The following TENM1 variants were observed in gnomAD, a reference collection of about 807,000 sequenced individuals.
TENM1 encodes teneurin-1.
In TENM1, 35 loss-of-function variants were observed where a neutral mutation model predicts 174.8. The ratio of observed to expected loss-of-function variants is 0.20; its 90% CI spans 0.15 to 0.27. The LOEUF (loss-of-function observed/expected upper bound fraction) is 0.27. Ranked by LOEUF, TENM1 falls within the 10% of genes least tolerant of loss-of-function variation. The probability of loss-of-function intolerance (pLI) is 1.00; values close to 1 mark genes in which losing one functional copy is unlikely to be tolerated. For missense variants in TENM1, 1,633 were observed against 2,130.1 expected, an observed-to-expected ratio of 0.77 and a Z score of 4.59; for synonymous variants, 781 against 798.7, an observed-to-expected ratio of 0.98 and a Z score of 0.37.
At chrX:124,902,554 A>G (rs1214531537) in intron 1 of TENM1, among the ~76,000 whole-genome samples, 4 of 112,708 alleles carry the variant, frequency 3.5e-5, no homozygotes, top group Non-Finnish European at 7.5e-5. Context: ...GCAATGGATT[A>G]TTACAATCTT....
At chrX:124,986,205 T>C in the TENM1 span, among the ~76,000 whole-genome samples, 2 of 111,828 alleles carry the variant, frequency 1.8e-5, no homozygotes, top group Non-Finnish European at 3.8e-5. Context: ...AAATATGTAA[T>C]GGCTTTGGGA....
the TENM1 span, among the ~76,000 whole-genome samples, chrX:124,993,388 A>G: frequency 9.0e-6 from 1 of 111,099 alleles, no homozygotes; most frequent in African/African-American, 3.3e-5. Context: ...CAGAAGCCTC[A>G]TTTTGCATAC....
At chrX:125,122,988 G>T in the TENM1 span, among the ~76,000 whole-genome samples, 2 of 111,376 alleles carry the variant, frequency 1.8e-5, no homozygotes, top group Non-Finnish European at 3.8e-5. Context: ...TATATCACAA[G>T]ATTTCTACAC....
chrX:124,887,072 T>C (rs1325169428), intron 3 of TENM1, among the ~76,000 whole-genome samples: 1 of 110,865 alleles, frequency 9.0e-6, no homozygotes, highest in Non-Finnish European at 1.9e-5. Context: ...TGGTAATATC[T>C]AAACAAACAT....
intron 22 of TENM1, among the ~76,000 whole-genome samples, chrX:124,468,756 A>G (rs180846299): frequency 8.4e-4 from 94 of 112,491 alleles, no homozygotes; most frequent in Non-Finnish European, 1.1e-4. Flanking sequence ...AACTGTATGT[A>G]TAATAAAATA....
intron 3 of TENM1, among the ~76,000 whole-genome samples, chrX:124,802,348 A>G (rs1453756336): frequency 1.8e-5 from 2 of 110,769 alleles, no homozygotes; most frequent in Admixed American, 9.5e-5. Flanking sequence ...TTTTCTTTCA[A>G]TGGTCAGGTC....
intron 3 of TENM1, among the ~76,000 whole-genome samples, chrX:124,847,661 C>G (rs113975776): frequency 0.028 from 3,079 of 111,437 alleles, 112 homozygotes; most frequent in African/African-American, 0.096. Flanking sequence ...AATGGGAGTA[C>G]TCAGAATATA....
At chrX:124,546,816 G>C in intron 15 of TENM1, 58 bp downstream of exon 18, 3 of 921,877 alleles carry the variant, frequency 3.3e-6, no homozygotes, top group Non-Finnish European at 4.7e-6. Context: ...TCTTCCTTTC[G>C]TAGTTCAGGA....
chrX:124,660,602 C>T (rs924448549), intron 6 of TENM1, among the ~76,000 whole-genome samples: 12 of 111,065 alleles, frequency 1.1e-4, no homozygotes, highest in African/African-American at 3.9e-4. Context: ...AGACTAATGA[C>T]CAATAAGAAC....
chrX:125,193,218 T>C, the TENM1 span, among the ~76,000 whole-genome samples: 2 of 112,152 alleles, frequency 1.8e-5, no homozygotes, highest in African/African-American at 6.5e-5. Context: ...TTTTACTCTA[T>C]ACAGTCAACT....
chrX:124,654,627 T>A, intron 6 of TENM1, among the ~76,000 whole-genome samples: 1 of 111,244 alleles, frequency 9.0e-6, no homozygotes, highest in East Asian at 2.8e-4. Flanking sequence ...AGGGTATGTG[T>A]CTATAGAGAG....
At chrX:124,655,689 T>C (rs920290878) in intron 6 of TENM1, among the ~76,000 whole-genome samples, 8 of 112,566 alleles carry the variant, frequency 7.1e-5, no homozygotes, top group African/African-American at 2.6e-4. Flanking sequence ...CCAACAGTAA[T>C]AACTATTTTA....
At chrX:124,747,337 AAG>A (rs773252854) in intron 3 of TENM1, among the ~76,000 whole-genome samples, 5 of 108,687 alleles carry the variant, frequency 4.6e-5, no homozygotes, top group African/African-American at 1.0e-4. Flanking sequence ...TCTCAAGGGG[AAG>A]AGAGTCAGCT....
chrX:125,108,986 A>T, the TENM1 span, among the ~76,000 whole-genome samples: 3 of 109,972 alleles, frequency 2.7e-5, no homozygotes, highest in African/African-American at 9.9e-5. Flanking sequence ...AACACACCAA[A>T]CTCTTTCACA....
chrX:124,843,843 A>C (rs191124065), intron 3 of TENM1, among the ~76,000 whole-genome samples: 65 of 111,280 alleles, frequency 5.8e-4, no homozygotes, highest in Non-Finnish European at 9.1e-4. Flanking sequence ...TGAGGGGCCT[A>C]CTTTCTTTAG....
chrX:124,547,610 G>C (rs910522822), intron 14 of TENM1, among the ~76,000 whole-genome samples: 4 of 111,444 alleles, frequency 3.6e-5, no homozygotes, highest in Non-Finnish European at 5.6e-5. Flanking sequence ...AAGATATTTC[G>C]AGCAATGATT....
chrX:124,471,114 TAG>T (rs1243345950), intron 22 of TENM1, among the ~76,000 whole-genome samples: 1 of 86,605 alleles, frequency 1.2e-5, no homozygotes, highest in African/African-American at 4.2e-5. Context: ...TCTATATACA[TAG>T]AGAGAAATAT....
At chrX:124,869,883 G>A (rs762465677) in intron 3 of TENM1, among the ~76,000 whole-genome samples, 21 of 111,051 alleles carry the variant, frequency 1.9e-4, no homozygotes, top group Non-Finnish European at 3.8e-4. Flanking sequence ...ACAAAAAATA[G>A]AAAGAACAAA....
the TENM1 span, among the ~76,000 whole-genome samples, chrX:125,155,983 G>A: frequency 8.9e-6 from 1 of 112,855 alleles, no homozygotes; most frequent in Non-Finnish European, 1.9e-5. Context: ...CGCCGAGAGC[G>A]AGCGAGGGCT....
Sources: allele counts gnomAD v4.1 joint callset (sites outside exome capture counted in the v4.1 genomes callset), GRCh38; gene constraint gnomAD v4.1.1; transcripts MANE v1.5; gene names NCBI Gene and HGNC (gene_info 2026-07-23, HGNC 2026-07-21).